Variants in PRELID2 observed in about 807,000 individuals in gnomAD.
PRELID2 encodes PRELI domain containing 2.
Under a neutral mutation model 28.4 loss-of-function variants are expected in PRELID2, and 25 were observed. The ratio of observed to expected loss-of-function variants is 0.88; its 90% CI spans 0.64 to 1.23. PRELID2 has a LOEUF of 1.23. Among genes scored for constraint, PRELID2 ranks in the 50% most tolerant of loss-of-function variants. PRELID2 has a pLI of 0.00. For synonymous variants in PRELID2, 76 were observed against 71.6 expected (o/e 1.06, Z -0.31); for missense variants, 201 against 214.4 (o/e 0.94, Z 0.39).
At chr5:145,676,037 A>G (rs1186209376) in intron 1 of PRELID2, among the ~76,000 whole-genome samples, 1 of 152,018 alleles carries the variant, frequency 6.6e-6, no homozygotes, top group African/African-American at 2.4e-5. Context: ...CCTGACCAAC[A>G]CAGAGAAACC....
At chr5:145,470,967 C>T (rs1418912202), downstream of PRELID2, among the ~76,000 whole-genome samples, 1 of 152,050 alleles carries the variant, frequency 6.6e-6, no homozygotes, top group Non-Finnish European at 1.5e-5. Context: ...CAGTCACCCT[C>T]ACCTAATCCT....
the PRELID2 span, among the ~76,000 whole-genome samples, chr5:145,297,311 T>C: frequency 6.6e-6 from 1 of 152,036 alleles, no homozygotes; most frequent in African/African-American, 2.4e-5. Context: ...TCTTCTAGGG[T>C]TTTTATGGTT....
intron 1 of PRELID2, among the ~76,000 whole-genome samples, chr5:145,668,365 TAAA>T (rs200831248): frequency 4.2e-5 from 6 of 141,950 alleles, no homozygotes; most frequent in Admixed American, 1.4e-4. Flanking sequence ...TGAAGGTGGT[TAAA>T]AAAAAAAAAA....
the PRELID2 span, among the ~76,000 whole-genome samples, chr5:145,291,367 G>T: frequency 1.4e-5 from 2 of 145,272 alleles, no homozygotes; most frequent in African/African-American, 5.5e-5. Context: ...AAAAAGGAGA[G>T]GGGTATTTGG....
the PRELID2 span, among the ~76,000 whole-genome samples, chr5:145,298,221 A>T: frequency 6.6e-6 from 1 of 152,200 alleles, no homozygotes; most frequent in Non-Finnish European, 1.5e-5. Flanking sequence ...TTCAAACTAT[A>T]CTACAAGGCT....
intron 1 of PRELID2, among the ~76,000 whole-genome samples, chr5:145,609,468 G>A (rs536024712): frequency 2.0e-5 from 3 of 152,280 alleles, no homozygotes; most frequent in South Asian, 2.1e-4. Flanking sequence ...TGATCCACAG[G>A]TCTCCCTTAA....
intron 1 of PRELID2, among the ~76,000 whole-genome samples, chr5:145,604,913 A>ATT (rs1009045366): frequency 7.3e-6 from 1 of 137,362 alleles, no homozygotes; most frequent in African/African-American, 2.9e-5. Flanking sequence ...ATTCTATTGA[A>ATT]TTATATATAT....
At chr5:145,380,177 G>C in the PRELID2 span, among the ~76,000 whole-genome samples, 1 of 152,136 alleles carries the variant, frequency 6.6e-6, no homozygotes, top group Non-Finnish European at 1.5e-5. Context: ...CCTCATGCCG[G>C]GGTCCCAGAG....
the PRELID2 span, among the ~76,000 whole-genome samples, chr5:145,259,048 C>T: frequency 2.3e-4 from 35 of 152,276 alleles, no homozygotes; most frequent in African/African-American, 7.7e-4. Context: ...TCAGAAAGTG[C>T]AAGACATAAG....
At chr5:145,511,019 A>T (rs1351381603) in intron 1 of PRELID2, among the ~76,000 whole-genome samples, 2 of 152,200 alleles carry the variant, frequency 1.3e-5, no homozygotes, top group Non-Finnish European at 2.9e-5. Context: ...ATGTGGTGTA[A>T]GATGCAGCAA....
intron 1 of PRELID2, among the ~76,000 whole-genome samples, chr5:145,502,876 A>G (rs1471383093): frequency 1.3e-5 from 2 of 150,996 alleles, no homozygotes; most frequent in African/African-American, 4.9e-5. Context: ...CTGTATAGAT[A>G]TCACTAATAA....
At chr5:145,399,319 C>A in the PRELID2 span, among the ~76,000 whole-genome samples, 1 of 152,018 alleles carries the variant, frequency 6.6e-6, no homozygotes, top group Non-Finnish European at 1.5e-5. Context: ...GAAGGTGGTA[C>A]ACAGAAAAGA....
chr5:145,269,997 C>A, the PRELID2 span, among the ~76,000 whole-genome samples: 16 of 151,128 alleles, frequency 1.1e-4, no homozygotes, highest in South Asian at 2.9e-3. Flanking sequence ...TAAATATATG[C>A]TTGAGATTAT....
intron 1 of PRELID2, among the ~76,000 whole-genome samples, chr5:145,672,455 A>C (rs1454238911): frequency 6.6e-6 from 1 of 150,904 alleles, no homozygotes; most frequent in Non-Finnish European, 1.5e-5. Context: ...TGACATAAGG[A>C]ATGGCTTTTT....
chr5:145,612,372 C>T (rs964207565), intron 1 of PRELID2, among the ~76,000 whole-genome samples: 1 of 152,200 alleles, frequency 6.6e-6, no homozygotes, highest in East Asian at 1.9e-4. Context: ...AAAACATTGG[C>T]AACAAGTATG....
intron 1 of PRELID2, among the ~76,000 whole-genome samples, chr5:145,683,687 G>A (rs1026480429): frequency 6.6e-6 from 1 of 151,604 alleles, no homozygotes; most frequent in African/African-American, 2.4e-5. Flanking sequence ...CTCTTAAAAG[G>A]CCTTATCTCC....
In PRELID2 at chr5:145,741,300, A is replaced by G. The variant is rs1335604386; in HGVS notation, n.70+23631T>C. 3.0e-5 allele frequency among the ~76,000 whole-genome samples: 3 copies of G among 99,322 alleles called. No individual in the cohort carries two copies. The Admixed American group carries it at 4.7e-4, about 15-fold the overall frequency. The allele number at this position is 99,322 out of a possible 152,430, so 65.2% of individuals were successfully genotyped here. A position where few individuals can be genotyped will look rare whatever the true frequency, so the allele number is the denominator to read the frequency against. On this transcript the variant is annotated intron_variant and non_coding_transcript_variant, in intron 1 of 2. Transcript: ENST00000510259. ...TTATGTATATATAAATAAATTATAT[A>G]TAAATAATTTATTTATAAATAAATT... is the stretch of plus-strand genomic sequence containing the variant.
At chr5:145,662,298 C>T (rs1345136454) in intron 1 of PRELID2, among the ~76,000 whole-genome samples, 2 of 152,022 alleles carry the variant, frequency 1.3e-5, no homozygotes, top group Non-Finnish European at 2.9e-5. Context: ...AGACTGGATT[C>T]GCATAAGAGA....
intron 1 of PRELID2, chr5:145,704,420 A>G (rs1043026485): frequency 3.9e-5 from 6 of 152,254 alleles, no homozygotes; most frequent in Non-Finnish European, 7.3e-5. Flanking sequence ...TGACTTCCCA[A>G]GTCCACAGCA....
Sources: allele counts gnomAD v4.1 joint callset (sites outside exome capture counted in the v4.1 genomes callset), GRCh38; gene constraint gnomAD v4.1.1; transcripts MANE v1.5; gene names NCBI Gene and HGNC (gene_info 2026-07-23, HGNC 2026-07-21).